Variants in CES2 observed in about 807,000 individuals in gnomAD.
CES2 encodes cocaine esterase.
Under a neutral mutation model 52.1 loss-of-function variants are expected in CES2, and 42 were observed. The observed-to-expected ratio is 0.81, with a 90% confidence interval of 0.63 to 1.04. CES2 has a LOEUF of 1.04. Among genes scored for constraint, CES2 ranks in the 50% least tolerant of loss-of-function variants. The pLI, the probability that CES2 is intolerant of heterozygous loss-of-function variation, is 0.00. For missense variants in CES2, 656 were observed against 724.3 expected (o/e 0.91, Z 1.08); for synonymous variants, 277 against 289.6 (o/e 0.96, Z 0.44).
chr16:66,940,775 T>C, intron 5 of CES2, 80 bp downstream of exon 5: 1 of 1,516,760 alleles, frequency 6.6e-7, no homozygotes, highest in Non-Finnish European at 8.9e-7. Flanking sequence ...TAAACGGGGA[T>C]GACAAGGGCC....
intron 3 of CES2, among the ~76,000 whole-genome samples, chr16:66,939,906 T>C (rs529960800): frequency 4.4e-4 from 67 of 152,344 alleles, no homozygotes; most frequent in Non-Finnish European, 1.5e-5. Flanking sequence ...GGTCTCACTA[T>C]GTGGTTCAGG....
chr16:66,942,280 C>A (rs781385846), intron 9 of CES2, 31 bp downstream of exon 9: 6 of 1,584,832 alleles, frequency 3.8e-6, no homozygotes, highest in Admixed American at 1.7e-5. Flanking sequence ...GCCTGGCGGG[C>A]AGGGTACAGC....
Position 66,943,459 on chromosome 16 carries a change from C to G in CES2, c.1493+88C>G. 3 of 1,365,888 alleles carry G rather than the reference C, an allele frequency of 2.2e-6. No individual in the cohort carries two copies. Among genetic ancestry groups the G allele is most frequent in the Non-Finnish European group, 3.1e-6 (3 of 962,314 alleles). 84.6% of individuals were successfully genotyped at this position (1,365,888 alleles called of 1,614,324 possible). On this transcript the variant is annotated intron_variant, in intron 11 of 11. Transcript: ENST00000317091. The surrounding 1 kb of genome is among the most constrained non-coding windows in gnomAD (Gnocchi z 4.2). ...TCCTAGTCTGGGGTGACCTCATGAG[C>G]ACACCCGCATCCTTCATCACATGAT...
Position 66,943,506 on chromosome 16 carries a change from A to T in CES2, c.1493+135A>T. 3 of 885,728 alleles carry T rather than the reference A, an allele frequency of 3.4e-6. No individual in the cohort carries two copies. Among genetic ancestry groups the T allele is most frequent in the Non-Finnish European group, 5.3e-6 (3 of 564,490 alleles). The allele number at this position is 885,728 out of a possible 1,614,324, so 54.9% of individuals were successfully genotyped here. ...TGATGGCCCCTTCCCCAGCTCCGGG[A>T]CCCACTCAGACAGGGTGGGGGTGCG... On this transcript the variant is annotated intron_variant, in intron 11 of 11. Coordinates refer to ENST00000317091, the MANE Select transcript of CES2 (RefSeq NM_001365405.1). This position sits in a 1 kb window ranked among gnomAD's most constrained non-coding sequence, Gnocchi z 4.2.
chr16:66,937,283 A>G (rs994510717), intron 1 of CES2, among the ~76,000 whole-genome samples: 1 of 152,086 alleles, frequency 6.6e-6, no homozygotes. Context: ...TTTTTACCCA[A>G]CCAGTCCTGG....
Position 66,942,742 on chromosome 16 carries a change from T to C in CES2, c.1377T>C (p.Asp459=), listed in dbSNP as rs147925730. The change falls in exon 10 of 12, where the codon GAT becomes GAC. Residue 459 remains aspartate, a synonymous_variant. Transcript: ENST00000317091. ...CGCACATGAAGGCAGACCATGGTGA[T>C]GAGCTTCCTTTTGTTTTCAGAAGTT... ...RPPHMKADHG[D]ELPFVFRSFF... is the part of the protein sequence containing the mutation. 7 of 1,613,840 alleles carry C rather than the reference T, an allele frequency of 4.3e-6. No individual in the cohort carries two copies. In the African/African-American group the frequency reaches 5.3e-5, roughly 12 times the overall value.
intron 1 of CES2, chr16:66,935,967 G>T (rs1963201415): frequency 1.4e-6 from 2 of 1,404,750 alleles, no homozygotes; most frequent in Admixed American, 2.9e-5. Context: ...GCCGGGACAT[G>T]CCAGGCCGGG....
chr16:66,934,791 G>A (rs928845879), upstream of CES2: 10 of 177,262 alleles, frequency 5.6e-5, no homozygotes, highest in Non-Finnish European at 1.1e-4. The surrounding 1 kb of genome is among the most constrained non-coding windows in gnomAD (Gnocchi z 4.1). Context: ...TCCCGGTGAC[G>A]CGCCTGCCTC....
Position 66,942,455 on chromosome 16 carries a change from C to A in CES2, c.1283-193C>A, listed in dbSNP as rs28382823. On this transcript the variant is annotated intron_variant, in intron 9 of 11. Transcript: ENST00000317091. Reference sequence around the variant, plus strand: ...CAGACGAGCAAATTGAAGTTAGGGACCTTCAGTGACTTGCCCAAGATGACA... The same window carrying A: ...CAGACGAGCAAATTGAAGTTAGGGAACTTCAGTGACTTGCCCAAGATGACA... 111 of 787,210 alleles carry A rather than the reference C, an allele frequency of 1.4e-4. 1 individual carries two copies. In the East Asian group the frequency reaches 2.9e-3, roughly 21 times the overall value. The allele number at this position is 787,210 out of a possible 1,614,324, so 48.8% of individuals were successfully genotyped here. A position where few individuals can be genotyped will look rare whatever the true frequency, so the allele number is the denominator to read the frequency against.
Position 66,942,116 on chromosome 16 carries a change from T to C in CES2, c.1149T>C (p.Pro383=), listed in dbSNP as rs1466171336. The stretch of plus-strand genomic sequence containing the variant: ...TCCACCTGGGGTAGATGTTGCCTCC[T>C]ACATTTGGTGACCTGCTGAGGGAGG... The part of the protein sequence containing the change: ...QKMLTLLMLP[P]TFGDLLREEY... Residue 383 remains proline, a synonymous_variant, in exon 9 of 12, where the codon CCT becomes CCC. Coordinates refer to ENST00000317091, the MANE Select transcript of CES2 (RefSeq NM_001365405.1). 1 of 1,607,786 alleles carries C rather than the reference T, an allele frequency of 6.2e-7. No individual in the cohort carries two copies. The highest frequency in any genetic ancestry group is 2.2e-5 in the East Asian group (1 of 44,688).
Position 66,941,809 on chromosome 16 carries a change from G to C in CES2, c.1098G>C (p.Glu366Asp). 2 of 1,614,142 alleles carry C rather than the reference G, an allele frequency of 1.2e-6. No individual in the cohort carries two copies. The highest frequency in any genetic ancestry group is 1.7e-6 in the Non-Finnish European group (2 of 1,180,002). ...ATACCCAGAAGGAAATGGACAGAGAGGCCTCCCAGGCTGCTCTGCAGAAAA... is the reference window on the plus strand; with the variant it reads ...ATACCCAGAAGGAAATGGACAGAGACGCCTCCCAGGCTGCTCTGCAGAAAA... Reference protein sequence around the residue: ...IYDTQKEMDREASQAALQKML... With the variant: ...IYDTQKEMDRDASQAALQKML... The change falls in exon 8 of 12, where the codon GAG becomes GAC. Residue 366 changes from glutamate (E) to aspartate (D), a missense_variant. Coordinates refer to ENST00000317091, the MANE Select transcript of CES2 (RefSeq NM_001365405.1).
At chr16:66,936,058 C>G (rs1963205814) in intron 1 of CES2, 2 of 1,182,130 alleles carry the variant, frequency 1.7e-6, no homozygotes, top group Non-Finnish European at 1.1e-6. Flanking sequence ...GTGGCTGTAG[C>G]GGGTGCTGCC....
intron 1 of CES2, among the ~76,000 whole-genome samples, chr16:66,936,488 G>T (rs768426659): frequency 6.6e-6 from 1 of 152,144 alleles, no homozygotes; most frequent in Non-Finnish European, 1.5e-5. Flanking sequence ...TCCCACTACT[G>T]CACTCCAGCC....
At position 66,943,751 on chromosome 16, in the gene CES2, T is replaced by C; in HGVS notation, c.1494-88T>C. 2.6e-6 allele frequency: 3 copies of C among 1,156,484 alleles called. No individual in the cohort carries two copies. Among genetic ancestry groups the C allele is most frequent in the Non-Finnish European group, 3.7e-6 (3 of 817,288 alleles). 71.6% of individuals were successfully genotyped at this position (1,156,484 alleles called of 1,614,324 possible). On this transcript the variant is annotated intron_variant, in intron 11 of 11. Transcript: ENST00000317091. The surrounding 1 kb of genome is among the most constrained non-coding windows in gnomAD (Gnocchi z 4.2). ...GCCCACCTGGCCTGCTTGGCTGCCT[T>C]GCCTGACCAGACTCAGGGTGCTCAG... is the stretch of plus-strand genomic sequence containing the variant.
In CES2 at chr16:66,943,878, C is replaced by A. The variant is rs1963422058; in HGVS notation, c.1533C>A (p.Phe511Leu). 1 of 1,606,582 alleles carries A rather than the reference C, an allele frequency of 6.2e-7. No homozygotes were observed. Among genetic ancestry groups the A allele is most frequent in the South Asian group, 1.1e-5 (1 of 90,450 alleles). ...NGEGLPHWPL[F>L]DQEEQYLQLN... Reference sequence around the variant, plus strand: ...AGGGTCTGCCACACTGGCCGCTGTTCGACCAGGAGGAGCAATACCTGCAGC... The same window carrying A: ...AGGGTCTGCCACACTGGCCGCTGTTAGACCAGGAGGAGCAATACCTGCAGC... The change falls in exon 12 of 12, where the codon TTC (phenylalanine) becomes TTA (leucine). Residue 511 changes from phenylalanine (F) to leucine (L), a missense_variant. Coordinates refer to ENST00000317091, the MANE Select transcript of CES2 (RefSeq NM_001365405.1). The surrounding 1 kb of genome is among the most constrained non-coding windows in gnomAD (Gnocchi z 4.2).
chr16:66,940,275 T>G lies in CES2; in HGVS notation c.477T>G (p.Tyr159Ter). 6.2e-7 allele frequency: 1 copy of G among 1,614,044 alleles called. No individual in the cohort carries two copies. The highest frequency in any genetic ancestry group is 8.5e-7 in the Non-Finnish European group (1 of 1,180,014). Residue 159 changes from tyrosine to a stop codon, truncating the protein, a stop_gained, in exon 4 of 12, where the codon TAT (tyrosine) becomes TAG (stop). Transcript: ENST00000317091. LOFTEE classifies it high-confidence loss of function. ...GALVFGMASL[Y>*]DGSMLAALEN... The stretch of plus-strand genomic sequence containing the variant: ...TTGTTTTTGGCATGGCTTCCTTGTA[T>G]GATGGTTCCATGCTGGCTGCCTTGG...
chr16:66,944,048 G>A lies in CES2; in HGVS notation c.*23G>A. ...TAGCTCCCTGTGCCGGGGAGGAGGG[G>A]GTGGGTTCGCTGACAGGCGAGGGTC... On this transcript the variant is annotated 3_prime_UTR_variant, in exon 12 of 12. Coordinates refer to ENST00000317091, the MANE Select transcript of CES2 (RefSeq NM_001365405.1). The A allele has an allele frequency of 3.7e-6, 5 of 1,363,366 alleles. No individual in the cohort carries two copies. Among genetic ancestry groups the A allele is most frequent in the Non-Finnish European group, 5.0e-6 (5 of 1,009,786 alleles). The allele number at this position is 1,363,366 out of a possible 1,614,324, so 84.5% of individuals were successfully genotyped here. A position where few individuals can be genotyped will look rare whatever the true frequency, so the allele number is the denominator to read the frequency against.
At chr16:66,940,125 A>G in intron 3 of CES2, 97 bp from the exon 4 acceptor site, 1 of 1,503,224 alleles carries the variant, frequency 6.7e-7, no homozygotes. Context: ...TCTAATGGGG[A>G]GGTAGACAGA....
rs950940565 is a variant in CES2 at position 66,944,067 on chromosome 16, G to A, written c.*42G>A. 3 of 1,188,016 alleles carry A rather than the reference G, an allele frequency of 2.5e-6. No homozygotes were observed. Among genetic ancestry groups the A allele is most frequent in the South Asian group, 1.7e-5 (1 of 60,518 alleles). 73.6% of individuals were successfully genotyped at this position (1,188,016 alleles called of 1,614,324 possible). ...GGAGGGGGTGGGTTCGCTGACAGGCGAGGGTCAGCCTGCTGTGCCCACACA... is the reference window on the plus strand; with the variant it reads ...GGAGGGGGTGGGTTCGCTGACAGGCAAGGGTCAGCCTGCTGTGCCCACACA... On this transcript the variant is annotated 3_prime_UTR_variant, in exon 12 of 12. Coordinates refer to ENST00000317091, the MANE Select transcript of CES2 (RefSeq NM_001365405.1).
Sources: gnomAD v4.1 joint callset for allele counts (sites outside exome capture counted in the v4.1 genomes callset) on GRCh38, gnomAD v4.1.1 for gene constraint, Gnocchi (gnomAD v3.1) non-coding constraint, MANE v1.5 for transcripts, NCBI Gene and HGNC (gene_info 2026-07-23, HGNC 2026-07-21) for gene names.